Variants in SMC6 observed in about 807,000 individuals in gnomAD.
SMC6 encodes structural maintenance of chromosomes protein 6.
In SMC6, 79 loss-of-function variants were observed where a neutral mutation model predicts 142.2. That is an observed-to-expected ratio of 0.56 (90% CI 0.46 to 0.67). The LOEUF is 0.67. SMC6 is among the 30% of genes least tolerant of loss of function. The pLI is 0.00. For missense variants in SMC6, 1,072 were observed against 1,284.0 expected (o/e 0.83, Z 2.52); for synonymous variants, 411 against 412.4 (o/e 1.00, Z 0.04).
intron 23 of SMC6, 127 bp from the exon 24 acceptor site, chr2:17,683,890 G>C: frequency 1.2e-6 from 1 of 803,800 alleles, no homozygotes; most frequent in Admixed American, 2.4e-5. Flanking sequence ...CCTAGTAGCA[G>C]TCAATTTCAT....
At chr2:17,688,475 G>C (rs922108426) in intron 23 of SMC6, among the ~76,000 whole-genome samples, 5 of 152,088 alleles carry the variant, frequency 3.3e-5, no homozygotes, top group African/African-American at 9.7e-5. Context: ...TGAGGTGGGA[G>C]GATCACTTGA....
intron 18 of SMC6, among the ~76,000 whole-genome samples, chr2:17,706,984 C>A (rs1381493286): frequency 6.6e-6 from 1 of 152,104 alleles, no homozygotes. Context: ...TACAAATGAT[C>A]CAGTTGAGGG....
intron 4 of SMC6, among the ~76,000 whole-genome samples, chr2:17,739,041 T>C (rs1341026053): frequency 6.6e-6 from 1 of 152,174 alleles, no homozygotes; most frequent in African/African-American, 2.4e-5. Flanking sequence ...TATTAGCACA[T>C]AATAAGTACT....
At chr2:17,743,940 T>C (rs1670605785) in intron 3 of SMC6, among the ~76,000 whole-genome samples, 1 of 152,200 alleles carries the variant, frequency 6.6e-6, no homozygotes, top group Non-Finnish European at 1.5e-5. Context: ...TAATAGTGCA[T>C]CGTCTGGATA....
chr2:17,684,745 G>T (rs889746135), intron 23 of SMC6, among the ~76,000 whole-genome samples: 6 of 152,114 alleles, frequency 3.9e-5, no homozygotes, highest in Non-Finnish European at 8.8e-5. Flanking sequence ...AGGATCACTT[G>T]AACCCAGAAG....
chr2:17,696,550 TC>T, intron 21 of SMC6, 124 bp from the exon 22 acceptor site: 1 of 904,904 alleles, frequency 1.1e-6, no homozygotes, highest in South Asian at 1.6e-5. Flanking sequence ...TGTTATTATA[TC>T]CATATGTGTC....
At chr2:17,739,837 C>CACACAG (rs1553321180) in intron 4 of SMC6, among the ~76,000 whole-genome samples, 11 of 104,524 alleles carry the variant, frequency 1.1e-4, no homozygotes, top group African/African-American at 5.2e-4. Context: ...CACACACACA[C>CACACAG]ACACACAGAC....
At chr2:17,719,867 A>G (rs577695022) in intron 11 of SMC6, among the ~76,000 whole-genome samples, 1 of 152,302 alleles carries the variant, frequency 6.6e-6, no homozygotes, top group South Asian at 2.1e-4. Context: ...AAAGAAAAAA[A>G]AGATCAATCT....
intron 21 of SMC6, among the ~76,000 whole-genome samples, chr2:17,697,419 T>A (rs961584300): frequency 6.6e-6 from 1 of 151,928 alleles, no homozygotes; most frequent in African/African-American, 2.4e-5. Flanking sequence ...CTAGGAATAA[T>A]TGAAAAATGA....
intron 3 of SMC6, among the ~76,000 whole-genome samples, chr2:17,745,551 G>A (rs181744214): frequency 2.0e-5 from 3 of 152,094 alleles, no homozygotes; most frequent in South Asian, 2.1e-4. Context: ...TTTTATTCCC[G>A]ATATTGGTAA....
chr2:17,699,787 T>A (rs1241034538), intron 21 of SMC6, among the ~76,000 whole-genome samples: 2 of 152,196 alleles, frequency 1.3e-5, no homozygotes, highest in East Asian at 3.8e-4. Flanking sequence ...GAAACATAAC[T>A]GAGATAGCTG....
chr2:17,674,297 ATTTCT>A (rs1666906066), intron 25 of SMC6, among the ~76,000 whole-genome samples: 1 of 151,868 alleles, frequency 6.6e-6, no homozygotes, highest in South Asian at 2.1e-4. Context: ...TTTCTATTTG[ATTTCT>A]TTTTTGACCT....
chr2:17,714,789 G>A, intron 16 of SMC6, 72 bp downstream of exon 16: 1 of 1,436,550 alleles, frequency 7.0e-7, no homozygotes. Flanking sequence ...AACATTAAAA[G>A]TGTTTTAACT....
chr2:17,726,850 GGT>G (rs1330279245), intron 7 of SMC6, among the ~76,000 whole-genome samples: 11 of 152,096 alleles, frequency 7.2e-5, no homozygotes, highest in Admixed American at 7.2e-4. Context: ...GTCCTAGCAT[GGT>G]AAGGAGTCAG....
Position 17,708,750 on chromosome 2 carries a change from A to G in SMC6, c.1734T>C (p.Ala578=). ...RNEIYDVRHR[A]AYHPDFPTVL... The stretch of plus-strand genomic sequence containing the variant: ...CTGTTGGAAAGTCTGGATGATAAGC[A>G]GCTCTAGGAGACAAAAATACAGAAG... The change falls in exon 17 of 28, where the codon GCT becomes GCC. Residue 578 remains alanine (A), a synonymous_variant. Coordinates refer to ENST00000448223, the MANE Select transcript of SMC6 (RefSeq NM_001142286.2). The G allele has an allele frequency of 6.7e-7, 1 of 1,484,818 alleles. No individual in the cohort carries two copies. The highest frequency in any genetic ancestry group is 9.0e-7 in the Non-Finnish European group (1 of 1,116,222). The allele number at this position is 1,484,818 out of a possible 1,614,324, so 92.0% of individuals were successfully genotyped here.
In SMC6 at chr2:17,666,488, G is replaced by C. The variant is rs776836097; in HGVS notation, c.3093C>G (p.Asp1031Glu). 6.2e-7 allele frequency: 1 copy of C among 1,613,816 alleles called. No individual in the cohort carries two copies. Among genetic ancestry groups the C allele is most frequent in the South Asian group, 1.1e-5 (1 of 91,034 alleles). The stretch of plus-strand genomic sequence containing the variant: ...GGGAATCTGCCATCTTCAGTATCAA[G>C]TCCATGGCAATTCTCCTATTAACCA... The part of the protein sequence containing the change: ...MDMVNRRIAM[D>E]LILKMADSQR... The change falls in exon 27 of 28, where the codon GAC (aspartate) becomes GAG (glutamate). Residue 1031 changes from aspartate (D) to glutamate (E), a missense_variant. Physicochemically the swap from Asp to Glu is conservative, Grantham distance 45. Transcript: ENST00000448223.
intron 9 of SMC6, 35 bp downstream of exon 9, chr2:17,725,222 G>C (rs779109738): frequency 2.0e-6 from 3 of 1,465,198 alleles, no homozygotes; most frequent in African/African-American, 2.8e-5. Context: ...GAATTTGGCT[G>C]ATCTCAAAAA....
At chr2:17,746,981 C>T (rs1382808804) in intron 2 of SMC6, among the ~76,000 whole-genome samples, 1 of 152,154 alleles carries the variant, frequency 6.6e-6, no homozygotes, top group Non-Finnish European at 1.5e-5. Flanking sequence ...GGCTCCCCTA[C>T]CCATGCAAGC....
chr2:17,744,572 T>G (rs1012670778), intron 3 of SMC6, among the ~76,000 whole-genome samples: 2 of 152,234 alleles, frequency 1.3e-5, no homozygotes, highest in African/African-American at 4.8e-5. Context: ...CTATACCTTC[T>G]GTTTCCTTGA....
Sources: allele counts gnomAD v4.1 joint callset (sites outside exome capture counted in the v4.1 genomes callset), GRCh38; gene constraint gnomAD v4.1.1; transcripts MANE v1.5; gene names NCBI Gene and HGNC (gene_info 2026-07-23, HGNC 2026-07-21).